GPC5: variants seen among roughly 807,000 people sequenced by gnomAD.
GPC5 encodes the protein glypican-5.
In GPC5, 47 loss-of-function variants were observed where a neutral mutation model predicts 53.9. That is an observed-to-expected ratio of 0.87 (90% CI 0.69 to 1.11). The LOEUF (loss-of-function observed/expected upper bound fraction) is 1.11. Among genes scored for constraint, GPC5 ranks in the 50% most tolerant of loss-of-function variants. GPC5 has a pLI of 0.00. For missense variants in GPC5, 748 were observed against 713.1 expected (o/e 1.05, Z -0.56); for synonymous variants, 286 against 263.3 (o/e 1.09, Z -0.84).
chr13:92,793,630 C>T (rs1351292794), intron 7 of GPC5, among the ~76,000 whole-genome samples: 1 of 151,782 alleles, frequency 6.6e-6, no homozygotes, highest in African/African-American at 2.4e-5. Context: ...AATTGATAGA[C>T]CACTAGCAAG....
intron 1 of GPC5, among the ~76,000 whole-genome samples, chr13:91,448,109 A>G (rs565751778): frequency 1.3e-5 from 2 of 152,352 alleles, no homozygotes; most frequent in African/African-American, 4.8e-5. Flanking sequence ...TGCAATATAC[A>G]TCTTCACAGG....
At chr13:92,772,015 T>C (rs1875635095) in intron 7 of GPC5, among the ~76,000 whole-genome samples, 1 of 152,284 alleles carries the variant, frequency 6.6e-6, no homozygotes, top group South Asian at 2.1e-4. Flanking sequence ...TCCAAAATAA[T>C]GAATTCCCCC....
intron 7 of GPC5, among the ~76,000 whole-genome samples, chr13:92,726,564 T>C (rs1888655192): frequency 6.6e-6 from 1 of 151,552 alleles, no homozygotes; most frequent in Non-Finnish European, 1.5e-5. Context: ...GCCTGAACTA[T>C]TTCTTAATAA....
At chr13:92,599,471 T>C (rs915883073) in intron 7 of GPC5, among the ~76,000 whole-genome samples, 2 of 152,128 alleles carry the variant, frequency 1.3e-5, no homozygotes, top group Admixed American at 1.3e-4. Flanking sequence ...TTTGAGGAGC[T>C]GAACACAGTT....
intron 4 of GPC5, among the ~76,000 whole-genome samples, chr13:91,729,790 C>T (rs1423405929): frequency 6.6e-6 from 1 of 152,130 alleles, no homozygotes; most frequent in African/African-American, 2.4e-5. Flanking sequence ...AACCCATCTA[C>T]AGAAGATCTG....
chr13:91,932,954 G>T (rs1228441660), intron 6 of GPC5, among the ~76,000 whole-genome samples: 1 of 151,844 alleles, frequency 6.6e-6, no homozygotes, highest in African/African-American at 2.4e-5. Context: ...ATAAAATCTA[G>T]GTTAAACAAA....
intron 5 of GPC5, among the ~76,000 whole-genome samples, chr13:91,844,731 G>T (rs1158185853): frequency 2.0e-5 from 3 of 150,514 alleles, no homozygotes; most frequent in African/African-American, 7.3e-5. Flanking sequence ...TTTTGTTTTT[G>T]TTTTTTTTTA....
At chr13:91,720,113 AAAAAC>A (rs1412849219) in intron 3 of GPC5, among the ~76,000 whole-genome samples, 1 of 152,196 alleles carries the variant, frequency 6.6e-6, no homozygotes, top group East Asian at 1.9e-4. Context: ...TGTCCCCCCA[AAAAAC>A]AAAACAAAAC....
At chr13:91,595,239 G>T (rs186175128) in intron 2 of GPC5, among the ~76,000 whole-genome samples, 3 of 151,898 alleles carry the variant, frequency 2.0e-5, no homozygotes, top group African/African-American at 7.2e-5. Flanking sequence ...GGATGGCCTC[G>T]TTCTCTTGGT....
At chr13:92,861,682 T>A (rs1211694742) in intron 7 of GPC5, among the ~76,000 whole-genome samples, 1 of 152,144 alleles carries the variant, frequency 6.6e-6, no homozygotes, top group African/African-American at 2.4e-5. Context: ...TGTTGTGGTG[T>A]TTTTTGTTGT....
intron 1 of GPC5, among the ~76,000 whole-genome samples, chr13:91,434,826 A>G (rs1270931156): frequency 2.0e-5 from 3 of 152,274 alleles, no homozygotes; most frequent in East Asian, 1.9e-4. Context: ...TGAGCATGGA[A>G]TGTTCTTCCA....
intron 2 of GPC5, among the ~76,000 whole-genome samples, chr13:91,642,511 C>T (rs972015299): frequency 6.6e-6 from 1 of 152,022 alleles, no homozygotes; most frequent in Non-Finnish European, 1.5e-5. Flanking sequence ...GGGAGTGTTT[C>T]AAGAATGATG....
At chr13:91,740,538 G>T (rs890189571) in intron 4 of GPC5, among the ~76,000 whole-genome samples, 1 of 152,126 alleles carries the variant, frequency 6.6e-6, no homozygotes, top group Non-Finnish European at 1.5e-5. Flanking sequence ...TTTTGGAGAC[G>T]TAATTGTCCT....
chr13:91,698,652 C>T (rs1314298733), intron 3 of GPC5, among the ~76,000 whole-genome samples: 1 of 152,186 alleles, frequency 6.6e-6, no homozygotes, highest in Non-Finnish European at 1.5e-5. Flanking sequence ...CTCAAAATCT[C>T]AGTCTCCAAA....
intron 6 of GPC5, among the ~76,000 whole-genome samples, chr13:92,043,295 ATTG>A (rs890627097): frequency 6.6e-6 from 1 of 152,142 alleles, no homozygotes; most frequent in Non-Finnish European, 1.5e-5. Flanking sequence ...ATGAGTTAGT[ATTG>A]TTGTGTGTTA....
chr13:92,144,997 T>A lies in GPC5; in HGVS notation c.1561+8T>A, dbSNP rs752982353. On this transcript the variant is annotated splice_region_variant and intron_variant, in intron 7 of 7. Transcript: ENST00000377067. ...CACTGAAGATCACAGACTGTAAGTG[T>A]ATGATTCTAACACCACTTTTTTAAA... 3 of 1,419,476 alleles carry A rather than the reference T, an allele frequency of 2.1e-6. No homozygotes were observed. Among genetic ancestry groups the A allele is most frequent in the Non-Finnish European group, 2.8e-6 (3 of 1,082,676 alleles). The allele number at this position is 1,419,476 out of a possible 1,614,324, so 87.9% of individuals were successfully genotyped here.
At chr13:92,119,390 GTTTTTTTTTTTTTTTT>G (rs386380215) in intron 6 of GPC5, among the ~76,000 whole-genome samples, 8 of 65,672 alleles carry the variant, frequency 1.2e-4, no homozygotes, top group Admixed American at 5.3e-4. Context: ...TAGGATTTTA[GTTTTTTTTTTTTTTTT>G]TTTTTTTTTG....
intron 5 of GPC5, among the ~76,000 whole-genome samples, chr13:91,904,083 G>A (rs2039526612): frequency 6.7e-6 from 1 of 149,798 alleles, no homozygotes; most frequent in African/African-American, 2.5e-5. Flanking sequence ...CTGGTTACAT[G>A]CAACCATTTG....
intron 7 of GPC5, among the ~76,000 whole-genome samples, chr13:92,797,056 T>C (rs183075839): frequency 1.3e-5 from 2 of 152,044 alleles, no homozygotes; most frequent in African/African-American, 2.4e-5. Flanking sequence ...ACAGTAGAGC[T>C]AACCCGTACG....
Sources: gnomAD v4.1 joint callset for allele counts (sites outside exome capture counted in the v4.1 genomes callset) on GRCh38, gnomAD v4.1.1 for gene constraint, MANE v1.5 for transcripts, NCBI Gene and HGNC (gene_info 2026-07-23, HGNC 2026-07-21) for gene names.